Variants in OR2L13 observed in about 807,000 individuals in gnomAD.
OR2L13 encodes the protein olfactory receptor 2L13.
A neutral mutation model predicts 15.3 loss-of-function variants in OR2L13; 14 were observed. That is an observed-to-expected ratio of 0.91 (90% CI 0.60 to 1.43). The LOEUF (loss-of-function observed/expected upper bound fraction) is 1.43, where lower values mean the gene tolerates loss of function less well. Among genes scored for constraint, OR2L13 ranks in the 40% most tolerant of loss-of-function variants. The probability of loss-of-function intolerance (pLI) is 0.00; values close to 1 mark genes in which losing one functional copy is unlikely to be tolerated. For synonymous variants in OR2L13, 152 were observed against 142.9 expected (o/e 1.06, Z -0.45); for missense variants, 367 against 387.9 (o/e 0.95, Z 0.45).
chr1:248,042,527 T>C, the OR2L13 span, among the ~76,000 whole-genome samples: 1 of 151,212 alleles, frequency 6.6e-6, no homozygotes, highest in Non-Finnish European at 1.5e-5. Flanking sequence ...AATAAACAAA[T>C]AAATAAATTG....
chr1:247,972,523 G>C, the OR2L13 span, among the ~76,000 whole-genome samples: 1 of 152,074 alleles, frequency 6.6e-6, no homozygotes, highest in African/African-American at 2.4e-5. Flanking sequence ...GGAAGAAATG[G>C]ATAAATTCCT....
At chr1:247,990,349 T>C in the OR2L13 span, 1 of 1,520,290 alleles carries the variant, frequency 6.6e-7, no homozygotes, top group Non-Finnish European at 9.1e-7. Context: ...TTCATCTTCA[T>C]TCTCATTAAT....
the OR2L13 span, among the ~76,000 whole-genome samples, chr1:248,011,902 G>C: frequency 2.6e-5 from 4 of 152,096 alleles, no homozygotes; most frequent in African/African-American, 4.8e-5. Context: ...CAAAAGACTT[G>C]ACATAAATGG....
At chr1:247,977,921 C>T in the OR2L13 span, among the ~76,000 whole-genome samples, 48 of 152,232 alleles carry the variant, frequency 3.2e-4, no homozygotes, top group Admixed American at 6.5e-4. Flanking sequence ...CAGCAGTCCC[C>T]ACACTTCAGC....
the OR2L13 span, chr1:247,949,477 T>A: frequency 6.2e-7 from 1 of 1,610,096 alleles, no homozygotes; most frequent in Non-Finnish European, 8.5e-7. Flanking sequence ...ATCTTTCTCG[T>A]GTTTCCCTTC....
chr1:247,989,841 G>A, the OR2L13 span, among the ~76,000 whole-genome samples: 1 of 152,136 alleles, frequency 6.6e-6, no homozygotes, highest in African/African-American at 2.4e-5. Context: ...TTTTAAATTT[G>A]TTTTCAGTCA....
the OR2L13 span, among the ~76,000 whole-genome samples, chr1:248,009,003 C>T: frequency 6.6e-5 from 10 of 152,196 alleles, no homozygotes; most frequent in Admixed American, 2.0e-4. Flanking sequence ...AACAAAGACA[C>T]AATGTATCAG....
chr1:248,026,007 G>C, the OR2L13 span, among the ~76,000 whole-genome samples: 1 of 151,898 alleles, frequency 6.6e-6, no homozygotes, highest in Non-Finnish European at 1.5e-5. Flanking sequence ...TAAATGAGGA[G>C]TTAATGAGTG....
the OR2L13 span, among the ~76,000 whole-genome samples, chr1:248,071,947 A>G: frequency 1.3e-5 from 2 of 151,732 alleles, no homozygotes; most frequent in Admixed American, 6.6e-5. Flanking sequence ...TTCAAGGAGA[A>G]CTACAAACCA....
chr1:248,083,827 A>G, the OR2L13 span: 1 of 1,613,644 alleles, frequency 6.2e-7, no homozygotes, highest in South Asian at 1.1e-5. Flanking sequence ...GGTCTCATAT[A>G]GGTAAAAATG....
chr1:248,094,445 C>T (rs115749310), upstream of OR2L13, among the ~76,000 whole-genome samples: 775 of 152,282 alleles, frequency 5.1e-3, 10 homozygotes, highest in African/African-American at 0.018. Context: ...AAACATTTGG[C>T]ATACATCATT....
At chr1:248,067,635 C>A in the OR2L13 span, among the ~76,000 whole-genome samples, 371 of 152,296 alleles carry the variant, frequency 2.4e-3, no homozygotes, top group African/African-American at 8.4e-3. Flanking sequence ...GAGTGCCAGA[C>A]AGTGGGCACA....
chr1:248,018,817 C>T, the OR2L13 span, among the ~76,000 whole-genome samples: 6 of 152,150 alleles, frequency 3.9e-5, no homozygotes, highest in South Asian at 2.1e-4. Context: ...CTCCCTTCCC[C>T]GGTCCCCTGG....
the OR2L13 span, among the ~76,000 whole-genome samples, chr1:248,049,873 C>G: frequency 2.0e-5 from 3 of 152,034 alleles, no homozygotes; most frequent in Admixed American, 2.0e-4. Context: ...GTTTATTTAT[C>G]TAGATGTCAC....
chr1:248,058,052 A>G, the OR2L13 span, among the ~76,000 whole-genome samples: 1,159 of 152,320 alleles, frequency 7.6e-3, 13 homozygotes, highest in Non-Finnish European at 0.012. Context: ...TGCAAATCTT[A>G]GAGTCAAAGC....
the OR2L13 span, among the ~76,000 whole-genome samples, chr1:247,961,514 T>C: frequency 3.9e-5 from 6 of 152,176 alleles, no homozygotes; most frequent in African/African-American, 1.4e-4. Flanking sequence ...AGCAGGCTAA[T>C]TGAACTGCCT....
At chr1:247,965,548 C>T in the OR2L13 span, 35 of 1,611,204 alleles carry the variant, frequency 2.2e-5, no homozygotes, top group South Asian at 3.2e-4. Context: ...ACTCCACACT[C>T]CAATGTACTT....
the OR2L13 span, among the ~76,000 whole-genome samples, chr1:247,993,538 T>G: frequency 6.6e-6 from 1 of 152,100 alleles, no homozygotes; most frequent in Non-Finnish European, 1.5e-5. Flanking sequence ...AATCTAGACT[T>G]TCTGCTGAAC....
the OR2L13 span, among the ~76,000 whole-genome samples, chr1:248,056,318 A>G: frequency 0.18 from 27,097 of 151,654 alleles, 2,765 homozygotes; most frequent in African/African-American, 0.27. Flanking sequence ...TCCTGGATTC[A>G]TTGTTTGAAG....
Sources: allele counts gnomAD v4.1 joint callset (sites outside exome capture counted in the v4.1 genomes callset), GRCh38; gene constraint gnomAD v4.1.1; transcripts MANE v1.5; gene names NCBI Gene and HGNC (gene_info 2026-07-23, HGNC 2026-07-21).